Variants in IGFBP4 observed in about 807,000 individuals in gnomAD.
IGFBP4 encodes the protein insulin like growth factor binding protein 4, also known as insulin-like growth factor-binding protein 4.
Under a neutral mutation model 25.8 loss-of-function variants are expected in IGFBP4, and 9 were observed. The ratio of observed to expected loss-of-function variants is 0.35; its 90% CI spans 0.21 to 0.61. The LOEUF (loss-of-function observed/expected upper bound fraction) is 0.61, where lower values mean the gene tolerates loss of function less well. Among genes scored for constraint, IGFBP4 ranks in the 20% least tolerant of loss-of-function variants. The pLI is 0.77. For synonymous variants in IGFBP4, 153 were observed against 153.9 expected (o/e 0.99, Z 0.05); for missense variants, 315 against 365.3 (o/e 0.86, Z 1.12).
chr17:40,453,992 G>A lies in IGFBP4; in HGVS notation c.572G>A (p.Arg191His), dbSNP rs1342674335. The A allele has an allele frequency of 6.8e-6, 11 of 1,613,254 alleles. No homozygotes were observed. The African/African-American group carries it at 9.3e-5, about 14-fold the overall frequency. The stretch of plus-strand genomic sequence containing the variant: ...GAGCGGCTGGCCGCTTCACAGAGCC[G>A]CACCCACGAGGACCTCTACATCATC... ...ALERLAASQS[R>H]THEDLYIIPI... The change falls in exon 3 of 4, where the codon CGC becomes CAC. Residue 191 changes from arginine (R) to histidine (H), a missense_variant. Arg to His is a conservative substitution (Grantham distance 29, BLOSUM62 0). Transcript: ENST00000269593. This position sits in a 1 kb window ranked among gnomAD's most constrained non-coding sequence, Gnocchi z 4.0.
At chr17:40,454,146 G>A in intron 3 of IGFBP4, 84 bp downstream of exon 3, 1 of 1,500,564 alleles carries the variant, frequency 6.7e-7, no homozygotes, top group Non-Finnish European at 8.9e-7. Flanking sequence ...CCTGGATGGA[G>A]ATCTCAGGAA....
Position 40,456,743 on chromosome 17 carries a change from G to A in IGFBP4, c.*160G>A. On this transcript the variant is annotated 3_prime_UTR_variant, in exon 4 of 4. Transcript: ENST00000269593. ...TGTGCACGTGTGCGTGTGCGTGCGT[G>A]TGTGTGTGTTTGTGAGCATGGGTGT... The A allele has an allele frequency of 1.5e-6, 1 of 672,786 alleles. No homozygotes were observed. The highest frequency in any genetic ancestry group is 2.5e-6 in the Non-Finnish European group (1 of 406,880). 41.7% of individuals were successfully genotyped at this position (672,786 alleles called of 1,614,324 possible). A position where few individuals can be genotyped will look rare whatever the true frequency, so the allele number is the denominator to read the frequency against.
chr17:40,446,277 T>C (rs2035644980), intron 1 of IGFBP4, among the ~76,000 whole-genome samples: 1 of 142,572 alleles, frequency 7.0e-6, no homozygotes, highest in Admixed American at 7.2e-5. Flanking sequence ...TATGATCACG[T>C]GATTGCACTC....
At chr17:40,447,865 G>A (rs530955134) in intron 1 of IGFBP4, among the ~76,000 whole-genome samples, 8 of 152,292 alleles carry the variant, frequency 5.3e-5, no homozygotes, top group Admixed American at 5.2e-4. Flanking sequence ...TTAGGGAAGC[G>A]GTAGGACGAG....
At chr17:40,448,431 T>A (rs1426444140) in intron 1 of IGFBP4, among the ~76,000 whole-genome samples, 1 of 152,232 alleles carries the variant, frequency 6.6e-6, no homozygotes, top group East Asian at 1.9e-4. Flanking sequence ...AGCTGGGCGC[T>A]GTAGGAGGAC....
chr17:40,446,764 G>A (rs980338693), intron 1 of IGFBP4, among the ~76,000 whole-genome samples: 9 of 152,168 alleles, frequency 5.9e-5, no homozygotes, highest in Admixed American at 3.9e-4. Context: ...GCCATGCAAT[G>A]GATGCAGGTA....
At chr17:40,451,991 C>T (rs1031293893) in intron 1 of IGFBP4, among the ~76,000 whole-genome samples, 2 of 152,122 alleles carry the variant, frequency 1.3e-5, no homozygotes, top group African/African-American at 4.8e-5. Flanking sequence ...GCACATGCCA[C>T]CATACCCGGT....
At position 40,444,002 on chromosome 17, in the gene IGFBP4, C is replaced by A; in HGVS notation, c.267C>A (p.Pro89=). ...ACCCGCCCCGAGGGGTGGAGAAGCC[C>A]CTGCACACACTGATGCACGGGCAAG... ...RCYPPRGVEK[P]LHTLMHGQGV... Residue 89 remains proline (P), a synonymous_variant, in exon 1 of 4, where the codon CCC becomes CCA. Transcript: ENST00000269593. The A allele has an allele frequency of 1.3e-6, 2 of 1,535,922 alleles. No homozygotes were observed. Among genetic ancestry groups the A allele is most frequent in the Non-Finnish European group, 1.7e-6 (2 of 1,146,678 alleles).
chr17:40,445,714 A>G (rs554629290), intron 1 of IGFBP4, among the ~76,000 whole-genome samples: 100 of 152,282 alleles, frequency 6.6e-4, no homozygotes, highest in African/African-American at 2.2e-3. Flanking sequence ...GCCAGTGGCA[A>G]TGGTAGAGGA....
In IGFBP4 at chr17:40,453,959, G is replaced by A. The variant is rs765862306; in HGVS notation, c.539G>A (p.Arg180Gln). Reference protein sequence around the residue: ...PQGSCQSELHRALERLAASQS... With the variant: ...PQGSCQSELHQALERLAASQS... ...GGCTCCTGCCAGAGCGAGCTGCACC[G>A]GGCGCTGGAGCGGCTGGCCGCTTCA... Residue 180 changes from arginine (R) to glutamine (Q), a missense_variant, in exon 3 of 4, where the codon CGG (arginine) becomes CAG (glutamine). Arg to Gln is a conservative substitution (Grantham distance 43). Transcript: ENST00000269593. The surrounding 1 kb of genome is among the most constrained non-coding windows in gnomAD (Gnocchi z 4.0). 1.1e-5 allele frequency: 18 copies of A among 1,611,702 alleles called. No individual in the cohort carries two copies. Among genetic ancestry groups the A allele is most frequent in the Non-Finnish European group, 1.4e-5 (16 of 1,179,264 alleles).
rs1409728510 is a variant in IGFBP4 at position 40,443,585 on chromosome 17, C to G, written c.-151C>G. 4.9e-6 allele frequency: 1 copy of G among 203,210 alleles called. No homozygotes were observed. The highest frequency in any genetic ancestry group is 9.1e-6 in the Non-Finnish European group (1 of 110,250). The allele number at this position is 203,210 out of a possible 1,614,324, so 12.6% of individuals were successfully genotyped here. A position where few individuals can be genotyped will look rare whatever the true frequency, so the allele number is the denominator to read the frequency against. On this transcript the variant is annotated 5_prime_UTR_variant, in exon 1 of 4. Transcript: ENST00000269593. The stretch of plus-strand genomic sequence containing the variant: ...TTCCCCCGCTACGTCCCCGTTCGCC[C>G]GCCGGGCCGCCCCGTCTCCCCGCGC...
chr17:40,444,721 C>T (rs2035630607), intron 1 of IGFBP4, among the ~76,000 whole-genome samples: 1 of 152,126 alleles, frequency 6.6e-6, no homozygotes, highest in Admixed American at 6.5e-5. Context: ...CCCTGGTATA[C>T]AGGCCCCCTG....
At chr17:40,444,129 T>C (rs956772634) in intron 1 of IGFBP4, 45 bp downstream of exon 1, 1 of 1,424,322 alleles carries the variant, frequency 7.0e-7, no homozygotes, top group African/African-American at 1.4e-5. Flanking sequence ...GTGCGCTCCC[T>C]TCCCAGCGGC....
At position 40,445,142 on chromosome 17, in the gene IGFBP4, G is replaced by C. The variant is rs114603527; in HGVS notation, c.349+1058G>C. On this transcript the variant is annotated intron_variant, in intron 1 of 3. Transcript: ENST00000269593. ...CTAGTTTCACTAGTCATGCTCTCGA[G>C]TTCTGTTTTCCTCAGTGTCTTCTGC... Among the ~76,000 whole-genome samples, 880 of 152,150 alleles carry C rather than the reference G, an allele frequency of 5.8e-3. 5 individuals carry two copies. Among genetic ancestry groups the C allele is most frequent in the African/African-American group, 0.02 (848 of 41,480 alleles).
intron 1 of IGFBP4, among the ~76,000 whole-genome samples, chr17:40,450,894 G>A (rs186069104): frequency 7.2e-5 from 11 of 152,164 alleles, no homozygotes; most frequent in Admixed American, 3.9e-4. Context: ...CCTGAAACAC[G>A]GTGACTCCAT....
chr17:40,443,774 C>T lies in IGFBP4; in HGVS notation c.39C>T (p.Ala13=), dbSNP rs777397826. 1.5e-5 allele frequency: 23 copies of T among 1,505,652 alleles called. No homozygotes were observed. Among genetic ancestry groups the T allele is most frequent in the Middle Eastern group, 4.7e-4 (2 of 4,286 alleles). 93.3% of individuals were successfully genotyped at this position (1,505,652 alleles called of 1,614,324 possible). ...GCCTCGTGGCCGCCCTGCTGCTGGC[C>T]GCCGGGCCCGGGCCGAGCCTGGGCG... ...PLCLVAALLL[A]AGPGPSLGDE... Residue 13 remains alanine (A), a synonymous_variant, in exon 1 of 4, where the codon GCC becomes GCT. Transcript: ENST00000269593.
intron 1 of IGFBP4, among the ~76,000 whole-genome samples, chr17:40,449,058 G>A (rs1241664885): frequency 3.9e-5 from 6 of 152,192 alleles, no homozygotes; most frequent in African/African-American, 1.2e-4. Context: ...GTGCTACTCC[G>A]TGTAGACATG....
chr17:40,456,360 G>C (rs2035713920), intron 3 of IGFBP4, 89 bp from the exon 4 acceptor site: 6 of 1,419,816 alleles, frequency 4.2e-6, no homozygotes, highest in Non-Finnish European at 4.9e-6. Flanking sequence ...CGTCTGACTT[G>C]GGGGCTGGGC....
intron 3 of IGFBP4, among the ~76,000 whole-genome samples, chr17:40,454,559 C>T (rs977675960): frequency 6.6e-6 from 1 of 152,214 alleles, no homozygotes; most frequent in African/African-American, 2.4e-5. Flanking sequence ...ACCTGGGGTA[C>T]AGCAAGAGTG....
Sources: allele counts gnomAD v4.1 joint callset (sites outside exome capture counted in the v4.1 genomes callset), GRCh38; gene constraint gnomAD v4.1.1; non-coding constraint Gnocchi (gnomAD v3.1); transcripts MANE v1.5; gene names NCBI Gene and HGNC (gene_info 2026-07-23, HGNC 2026-07-21).